SNTG1: variants seen among roughly 807,000 people sequenced by gnomAD.
SNTG1 encodes the protein gamma-1-syntrophin.
In SNTG1, 39 loss-of-function variants were observed where a neutral mutation model predicts 74.7. That is an observed-to-expected ratio of 0.52 (90% CI 0.40 to 0.68). SNTG1 has a LOEUF of 0.68. SNTG1 is among the 30% of genes least tolerant of loss of function. SNTG1 has a pLI of 0.00. For missense variants in SNTG1, 685 were observed against 609.5 expected (o/e 1.12, Z -1.30); for synonymous variants, 254 against 217.1 (o/e 1.17, Z -1.49).
chr8:50,318,928 A>G (rs1378603457), intron 2 of SNTG1, among the ~76,000 whole-genome samples: 1 of 151,944 alleles, frequency 6.6e-6, no homozygotes, highest in Non-Finnish European at 1.5e-5. Context: ...AATAGAATAC[A>G]TATATGTGTT....
intron 12 of SNTG1, among the ~76,000 whole-genome samples, chr8:50,560,746 G>T (rs1292567865): frequency 1.3e-5 from 2 of 152,034 alleles, no homozygotes; most frequent in Non-Finnish European, 2.9e-5. Context: ...GCATCAAGAA[G>T]AACAGCTAAT....
intron 2 of SNTG1, among the ~76,000 whole-genome samples, chr8:50,188,101 A>G (rs748560878): frequency 1.3e-4 from 20 of 152,190 alleles, no homozygotes; most frequent in Admixed American, 3.3e-4. Context: ...TTATTAAAAT[A>G]TTGGTCTACT....
chr8:50,579,106 G>T (rs2094593721), intron 12 of SNTG1, among the ~76,000 whole-genome samples: 1 of 152,124 alleles, frequency 6.6e-6, no homozygotes, highest in Admixed American at 6.6e-5. Context: ...TTGTTGAATG[G>T]CTTTGACCAA....
At chr8:50,475,200 A>G (rs1022510198) in intron 8 of SNTG1, among the ~76,000 whole-genome samples, 6 of 151,806 alleles carry the variant, frequency 4.0e-5, no homozygotes, top group Non-Finnish European at 7.4e-5. Context: ...CACGTTGTGC[A>G]TATGTACCCT....
chr8:50,047,658 A>G (rs1819210865), intron 1 of SNTG1, among the ~76,000 whole-genome samples: 2 of 152,172 alleles, frequency 1.3e-5, no homozygotes, highest in African/African-American at 4.8e-5. Flanking sequence ...TTAAGTAAGT[A>G]TATGTAATAG....
rs748623742 is a variant in SNTG1 at position 50,530,255 on chromosome 8, A to G, written c.545A>G (p.Asn182Ser). 1.9e-6 allele frequency: 3 copies of G among 1,613,504 alleles called. No individual in the cohort carries two copies. Among genetic ancestry groups the G allele is most frequent in the South Asian group, 1.1e-5 (1 of 91,086 alleles). Residue 182 changes from asparagine (N) to serine (S), a missense_variant, in exon 10 of 19, where the codon AAT becomes AGT. Asn to Ser is a conservative substitution (Grantham distance 46). Transcript: ENST00000642720. Reference protein sequence around the residue: ...SGLHLNYHPNNTDTLSCSSWP... With the variant: ...SGLHLNYHPNSTDTLSCSSWP... ...TTACATCTCAACTACCATCCCAACA[A>G]TACAGTAAGATGACCCAGGCATAGC... is the stretch of plus-strand genomic sequence containing the variant.
At chr8:50,501,567 C>A (rs957326735) in intron 8 of SNTG1, among the ~76,000 whole-genome samples, 2 of 149,632 alleles carry the variant, frequency 1.3e-5, no homozygotes, top group Non-Finnish European at 3.0e-5. Flanking sequence ...TCCCGAGTAG[C>A]TAGGATTACA....
chr8:50,096,301 T>A (rs1318545489), intron 1 of SNTG1, among the ~76,000 whole-genome samples: 4 of 152,202 alleles, frequency 2.6e-5, no homozygotes, highest in African/African-American at 9.7e-5. Context: ...CAGCACTTTT[T>A]AAATTACAAT....
chr8:50,185,178 G>A (rs2083335972), intron 2 of SNTG1, among the ~76,000 whole-genome samples: 1 of 152,150 alleles, frequency 6.6e-6, no homozygotes, highest in South Asian at 2.1e-4. Context: ...GAAGATAATT[G>A]AATCAAAGGG....
intron 4 of SNTG1, among the ~76,000 whole-genome samples, chr8:50,421,123 T>C (rs961511695): frequency 3.4e-5 from 5 of 146,078 alleles, no homozygotes; most frequent in Admixed American, 2.1e-4. Context: ...ACTGGTAAAA[T>C]GCTAACACTG....
chr8:50,155,999 A>C (rs183006335), intron 1 of SNTG1, among the ~76,000 whole-genome samples: 219 of 152,182 alleles, frequency 1.4e-3, no homozygotes, highest in African/African-American at 4.8e-3. Context: ...CTATTCAGTA[A>C]AGAAAAAAAG....
chr8:49,912,528 G>A (rs1416130209), intron 1 of SNTG1, among the ~76,000 whole-genome samples: 1 of 152,062 alleles, frequency 6.6e-6, no homozygotes, highest in Non-Finnish European at 1.5e-5. Flanking sequence ...CAATCGTTTG[G>A]CAAGATAATT....
rs996846930 is a variant in SNTG1, at chr8:50,600,510, A to G, written c.849+9593A>G. On this transcript the variant is annotated intron_variant, in intron 13 of 18. Coordinates refer to ENST00000642720, the MANE Select transcript of SNTG1 (RefSeq NM_018967.5). ...TTGGTATTGGATTCTTCCTGATTCA[A>G]TCTTGGTAAGTTGTATATGTCTACG... 2.6e-5 allele frequency among the ~76,000 whole-genome samples: 4 copies of G among 152,186 alleles called. No homozygotes were observed. The South Asian group carries it at 6.2e-4, about 24-fold the overall frequency.
intron 17 of SNTG1, among the ~76,000 whole-genome samples, chr8:50,720,772 G>A (rs1019211967): frequency 2.0e-5 from 3 of 152,164 alleles, no homozygotes; most frequent in African/African-American, 7.2e-5. Flanking sequence ...AGTATAAATA[G>A]ATACTGCCTT....
intron 2 of SNTG1, among the ~76,000 whole-genome samples, chr8:50,269,508 T>C (rs1486383183): frequency 6.6e-6 from 1 of 152,098 alleles, no homozygotes; most frequent in Non-Finnish European, 1.5e-5. Flanking sequence ...TATTCATTCT[T>C]ACAACTGCTT....
chr8:50,392,752 G>T (rs781325800), intron 2 of SNTG1, among the ~76,000 whole-genome samples: 5 of 152,112 alleles, frequency 3.3e-5, no homozygotes, highest in Non-Finnish European at 7.4e-5. Flanking sequence ...AAAAAAGGAA[G>T]ATGTGCTAAA....
chr8:50,082,741 G>A (rs1205206661), intron 1 of SNTG1, among the ~76,000 whole-genome samples: 1 of 152,022 alleles, frequency 6.6e-6, no homozygotes, highest in African/African-American at 2.4e-5. Flanking sequence ...CATGCATTTA[G>A]GCTTCTTTTG....
chr8:50,007,141 A>G (rs1236895731), intron 1 of SNTG1, among the ~76,000 whole-genome samples: 1 of 152,010 alleles, frequency 6.6e-6, no homozygotes, highest in African/African-American at 2.4e-5. Flanking sequence ...CTTGCTTGGT[A>G]TGGTGGGACT....
chr8:50,287,060 C>G (rs2088828280), intron 2 of SNTG1, among the ~76,000 whole-genome samples: 1 of 152,152 alleles, frequency 6.6e-6, no homozygotes, highest in Non-Finnish European at 1.5e-5. Flanking sequence ...ACCAACCTGA[C>G]TGTTACTCCA....
Sources: allele counts gnomAD v4.1 joint callset (sites outside exome capture counted in the v4.1 genomes callset), GRCh38; gene constraint gnomAD v4.1.1; transcripts MANE v1.5; gene names NCBI Gene and HGNC (gene_info 2026-07-23, HGNC 2026-07-21).